Variants in GNAI1 observed in about 807,000 individuals in gnomAD.
GNAI1 encodes G protein subunit alpha i1, also known as guanine nucleotide-binding protein G(i) subunit alpha-1.
Under a neutral mutation model 38.9 loss-of-function variants are expected in GNAI1, and 11 were observed. The ratio of observed to expected loss-of-function variants is 0.28; its 90% CI spans 0.18 to 0.47. The LOEUF (loss-of-function observed/expected upper bound fraction) is 0.47. Ranked by LOEUF, GNAI1 falls within the 20% of genes least tolerant of loss-of-function variation. The probability of loss-of-function intolerance (pLI) is 0.99; values close to 1 mark genes in which losing one functional copy is unlikely to be tolerated. For missense variants in GNAI1, 317 were observed against 436.9 expected, an observed-to-expected ratio of 0.73 and a Z score of 2.45; for synonymous variants, 166 against 145.1, an observed-to-expected ratio of 1.14 and a Z score of -1.04.
intron 1 of GNAI1, among the ~76,000 whole-genome samples, chr7:80,168,717 G>A (rs1788054915): frequency 6.6e-6 from 1 of 152,148 alleles, no homozygotes; most frequent in South Asian, 2.1e-4. Flanking sequence ...GTGGCATTAA[G>A]TACAGTCACA....
intron 3 of GNAI1, among the ~76,000 whole-genome samples, chr7:80,191,318 A>T (rs562033063): frequency 6.6e-6 from 1 of 152,274 alleles, no homozygotes; most frequent in East Asian, 1.9e-4. Flanking sequence ...GTGTTGAAAC[A>T]TGAATAAGAG....
chr7:80,166,131 A>G (rs1178427432), intron 1 of GNAI1, among the ~76,000 whole-genome samples: 1 of 152,204 alleles, frequency 6.6e-6, no homozygotes. Context: ...AGTAAGAGCT[A>G]TAAAGATTAT....
chr7:80,175,838 C>T (rs1180256734), intron 1 of GNAI1, among the ~76,000 whole-genome samples: 1 of 152,126 alleles, frequency 6.6e-6, no homozygotes, highest in African/African-American at 2.4e-5. Flanking sequence ...CTCTACCTCT[C>T]CTCAAACCTC....
chr7:80,188,042 C>T (rs987837900), intron 1 of GNAI1, among the ~76,000 whole-genome samples: 59 of 152,264 alleles, frequency 3.9e-4, no homozygotes, highest in African/African-American at 1.4e-3. Context: ...TGGCTCCTGG[C>T]CTTATGGCTT....
At chr7:80,158,654 G>T (rs58104135) in intron 1 of GNAI1, among the ~76,000 whole-genome samples, 17,719 of 152,230 alleles carry the variant, frequency 0.12, 1,187 homozygotes, top group African/African-American at 0.17. Flanking sequence ...GCTGAACTGT[G>T]AATCAGTTAA....
chr7:80,207,151 A>G (rs1788789925), intron 5 of GNAI1, among the ~76,000 whole-genome samples: 1 of 152,106 alleles, frequency 6.6e-6, no homozygotes, highest in South Asian at 2.1e-4. Context: ...AGAGGCTTAA[A>G]AATAAAATGA....
intron 1 of GNAI1, among the ~76,000 whole-genome samples, chr7:80,159,209 G>A (rs1166427195): frequency 6.6e-6 from 1 of 152,098 alleles, no homozygotes; most frequent in African/African-American, 2.4e-5. Context: ...CAATTTTTTG[G>A]GGGGGCTTAC....
intron 1 of GNAI1, among the ~76,000 whole-genome samples, chr7:80,187,854 G>C (rs1393480448): frequency 6.6e-6 from 1 of 152,108 alleles, no homozygotes; most frequent in East Asian, 1.9e-4. Context: ...ACAAATAATT[G>C]ATCTAATTTG....
At chr7:80,198,789 A>G (rs1333003662) in intron 3 of GNAI1, among the ~76,000 whole-genome samples, 1 of 152,138 alleles carries the variant, frequency 6.6e-6, no homozygotes, top group African/African-American at 2.4e-5. Flanking sequence ...GAAAGCTAAC[A>G]CTTAATTCAA....
intron 1 of GNAI1, among the ~76,000 whole-genome samples, chr7:80,181,646 T>C (rs916470941): frequency 6.6e-6 from 1 of 152,162 alleles, no homozygotes; most frequent in African/African-American, 2.4e-5. Context: ...TGTCCTGCCT[T>C]TCTAGGGTAG....
chr7:80,218,606 A>G lies in GNAI1; in HGVS notation c.*1113A>G, dbSNP rs1319832424. ...ATTGCTGATATAATGCAAGATTTAA[A>G]TTTATACATATAACTAATTTCAAAT... is the stretch of plus-strand genomic sequence containing the variant. On this transcript the variant is annotated 3_prime_UTR_variant, in exon 8 of 8. Transcript: ENST00000649796. The G allele has an allele frequency of 6.6e-6, 1 of 152,148 alleles. No individual in the cohort carries two copies. Among genetic ancestry groups the G allele is most frequent in the East Asian group, 1.9e-4 (1 of 5,196 alleles). The allele number at this position is 152,148 out of a possible 1,614,324, so 9.4% of individuals were successfully genotyped here.
At chr7:80,174,155 A>T (rs1788143278) in intron 1 of GNAI1, among the ~76,000 whole-genome samples, 1 of 152,218 alleles carries the variant, frequency 6.6e-6, no homozygotes, top group Non-Finnish European at 1.5e-5. Flanking sequence ...TATTCAACTT[A>T]AATCATAGAG....
In GNAI1 at chr7:80,134,999, C is replaced by T; in HGVS notation, c.-162C>T. 4.7e-6 allele frequency: 2 copies of T among 423,850 alleles called. No individual in the cohort carries two copies. Among genetic ancestry groups the T allele is most frequent in the Non-Finnish European group, 8.3e-6 (2 of 241,210 alleles). The allele number at this position is 423,850 out of a possible 1,614,324, so 26.3% of individuals were successfully genotyped here. The stretch of plus-strand genomic sequence containing the variant: ...CCGCCCGTTGCTGTCTGCCCCTTTG[C>T]GGACAGCGTCTCCCTCGACTCCGCT... On this transcript the variant is annotated 5_prime_UTR_variant, in exon 1 of 8. Coordinates refer to ENST00000649796, the MANE Select transcript of GNAI1 (RefSeq NM_002069.6).
At chr7:80,136,889 A>G (rs779222164) in intron 1 of GNAI1, among the ~76,000 whole-genome samples, 7 of 152,184 alleles carry the variant, frequency 4.6e-5, no homozygotes, top group Non-Finnish European at 8.8e-5. Flanking sequence ...ACTAGAATAA[A>G]GGTCCCAGGA....
intron 1 of GNAI1, among the ~76,000 whole-genome samples, chr7:80,142,034 G>A (rs774262925): frequency 6.6e-6 from 1 of 152,128 alleles, no homozygotes; most frequent in Non-Finnish European, 1.5e-5. Context: ...AGGTGATAAT[G>A]TGTCATCTAC....
At chr7:80,212,221 G>A (rs1403959161) in intron 6 of GNAI1, among the ~76,000 whole-genome samples, 1 of 152,134 alleles carries the variant, frequency 6.6e-6, no homozygotes, top group Non-Finnish European at 1.5e-5. Context: ...TCTTTGATGA[G>A]CACAGATCCT....
intron 1 of GNAI1, among the ~76,000 whole-genome samples, chr7:80,185,161 A>G (rs1043055452): frequency 6.6e-6 from 1 of 152,094 alleles, no homozygotes; most frequent in Non-Finnish European, 1.5e-5. Context: ...TTTTCTTTAC[A>G]ATATTGTTTC....
chr7:80,222,890 A>G lies in GNAI1; in HGVS notation c.*5397A>G, dbSNP rs1000471581. On this transcript the variant is annotated 3_prime_UTR_variant, in exon 8 of 8. Transcript: ENST00000649796. ...TGATAATACCTTATTTTGAAAATGC[A>G]TTTAATACACCTAACCTACCAAATG... is the stretch of plus-strand genomic sequence containing the variant. Among the ~76,000 whole-genome samples, 4 of 152,162 alleles carry G rather than the reference A, an allele frequency of 2.6e-5. No homozygotes were observed. Among genetic ancestry groups the G allele is most frequent in the Non-Finnish European group, 5.9e-5 (4 of 68,036 alleles).
At chr7:80,135,776 G>C in intron 1 of GNAI1, 5 of 984,126 alleles carry the variant, frequency 5.1e-6, no homozygotes, top group Non-Finnish European at 6.0e-6. Flanking sequence ...ACCTTTTGTG[G>C]GGCCTCTGAG....
Sources: gnomAD v4.1 joint callset for allele counts (sites outside exome capture counted in the v4.1 genomes callset) on GRCh38, gnomAD v4.1.1 for gene constraint, MANE v1.5 for transcripts, NCBI Gene and HGNC (gene_info 2026-07-23, HGNC 2026-07-21) for gene names.